Variants in ZNF334 observed in about 807,000 individuals in gnomAD.
The protein encoded by ZNF334 is zinc finger protein 334.
In ZNF334, 14 loss-of-function variants were observed where a neutral mutation model predicts 12.4. The ratio of observed to expected loss-of-function variants is 1.13; its 90% CI spans 0.74 to 1.76. The LOEUF is 1.76. Ranked by LOEUF, ZNF334 falls within the 40% of genes most tolerant of loss-of-function variation. The pLI, the probability that ZNF334 is intolerant of heterozygous loss-of-function variation, is 0.00. For missense variants in ZNF334, 797 were observed against 804.5 expected (o/e 0.99, Z 0.11); for synonymous variants, 273 against 269.6 (o/e 1.01, Z -0.12).
the ZNF334 span, among the ~76,000 whole-genome samples, chr20:46,469,549 T>A: frequency 6.6e-6 from 1 of 151,854 alleles, no homozygotes; most frequent in Non-Finnish European, 1.5e-5. Context: ...TTTTTTGTAT[T>A]TTTTAGTAGA....
chr20:46,481,890 C>T, the ZNF334 span, among the ~76,000 whole-genome samples: 1 of 152,164 alleles, frequency 6.6e-6, no homozygotes, highest in Non-Finnish European at 1.5e-5. Context: ...TCCCTGGAAG[C>T]TGTGAATGTG....
At chr20:46,503,185 G>T in intron 4 of ZNF334, 88 bp from the exon 5 acceptor site, 1 of 1,415,692 alleles carries the variant, frequency 7.1e-7, no homozygotes, top group Non-Finnish European at 9.3e-7. Context: ...CATTGTTTTA[G>T]GGGTTAGACT....
chr20:46,464,757 C>T, the ZNF334 span: 5 of 501,734 alleles, frequency 1.0e-5, no homozygotes, highest in Admixed American at 4.3e-5. Flanking sequence ...GGGCAGTGTA[C>T]GCTGCAGTAG....
At chr20:46,476,665 T>C in the ZNF334 span, among the ~76,000 whole-genome samples, 3 of 152,234 alleles carry the variant, frequency 2.0e-5, no homozygotes, top group Non-Finnish European at 2.9e-5. Flanking sequence ...CAGAACCATA[T>C]ACTTGTATTA....
chr20:46,487,400 C>A, the ZNF334 span, among the ~76,000 whole-genome samples: 2 of 152,194 alleles, frequency 1.3e-5, no homozygotes, highest in Non-Finnish European at 2.9e-5. Context: ...TACTATACAT[C>A]TATAGAAATC....
rs1375608297 is a variant in ZNF334 at position 46,504,619 on chromosome 20, G to A, written c.143C>T (p.Ser48Phe). The change falls in exon 3 of 5, where the codon TCT becomes TTT. Residue 48 changes from serine (S) to phenylalanine (F), a missense_variant. Coordinates refer to ENST00000692313, the MANE Select transcript of ZNF334 (RefSeq NM_001353824.2). The part of the protein sequence containing the change: ...VMLENYSNLV[S>F]VGYHVSKPDV... ...TACAGGGAAATAGTCCTTACCCACA[G>A]AGACCAAGTTGCTGTAGTTCTCCAG... 1 of 1,599,194 alleles carries A rather than the reference G, an allele frequency of 6.3e-7. No homozygotes were observed. The highest frequency in any genetic ancestry group is 1.1e-5 in the South Asian group (1 of 88,130).
chr20:46,508,728 C>A lies in ZNF334; in HGVS notation c.21+3354G>T, dbSNP rs76858137. The stretch of plus-strand genomic sequence containing the variant: ...GGAAGGAAGGATGGTAGAGACACTG[C>A]AACATGCAGGACCTTCTCCTACAGG... On this transcript the variant is annotated intron_variant, in intron 2 of 4. Coordinates refer to ENST00000692313, the MANE Select transcript of ZNF334 (RefSeq NM_001353824.2). 5.0e-3 allele frequency among the ~76,000 whole-genome samples: 768 copies of A among 152,304 alleles called. 13 individuals are homozygous for A. In the East Asian group the frequency reaches 0.082, roughly 16 times the overall value.
the ZNF334 span, among the ~76,000 whole-genome samples, chr20:46,475,010 T>A: frequency 6.6e-6 from 1 of 152,154 alleles, no homozygotes; most frequent in African/African-American, 2.4e-5. Flanking sequence ...TCCAGTATCA[T>A]CCAGTACTTA....
chr20:46,507,367 TAAG>T (rs1054264836), intron 2 of ZNF334, among the ~76,000 whole-genome samples: 1 of 152,110 alleles, frequency 6.6e-6, no homozygotes, highest in African/African-American at 2.4e-5. Flanking sequence ...TGCAAGAGGC[TAAG>T]GAGACAGGAC....
chr20:46,487,474 T>C, the ZNF334 span, among the ~76,000 whole-genome samples: 3 of 152,200 alleles, frequency 2.0e-5, no homozygotes, highest in Non-Finnish European at 2.9e-5. Flanking sequence ...ATAATATTCT[T>C]TTTTATTATA....
At position 46,502,195 on chromosome 20, in the gene ZNF334, A is replaced by G; in HGVS notation, c.1144T>C (p.Cys382Arg). The G allele has an allele frequency of 1.2e-6, 2 of 1,614,152 alleles. No homozygotes were observed. The highest frequency in any genetic ancestry group is 1.7e-6 in the Non-Finnish European group (2 of 1,180,014). ...RGEKPNECKE[C>R]GKTFFCQSAL... ...GACTGACAGAAGAAGGTTTTCCCAC[A>G]TTCCTTACATTCATTTGGCTTCTCT... Residue 382 changes from cysteine to arginine, a missense_variant, in exon 5 of 5, where the codon TGT becomes CGT. Physicochemically the swap from Cys to Arg is radical, Grantham distance 180. Transcript: ENST00000692313.
At chr20:46,483,044 A>G in the ZNF334 span, among the ~76,000 whole-genome samples, 2 of 152,180 alleles carry the variant, frequency 1.3e-5, no homozygotes, top group African/African-American at 2.4e-5. Flanking sequence ...TCATGCTTCA[A>G]AAGTACTATG....
At chr20:46,483,266 G>A in the ZNF334 span, among the ~76,000 whole-genome samples, 1 of 151,634 alleles carries the variant, frequency 6.6e-6, no homozygotes, top group Non-Finnish European at 1.5e-5. Context: ...ATATACTTTA[G>A]GCATTTGTCT....
rs746960799 is a variant in ZNF334 at position 46,501,305 on chromosome 20, G to A, written c.2034C>T (p.His678=). Residue 678 remains histidine, a synonymous_variant, in exon 5 of 5, where the codon CAC becomes CAT. Coordinates refer to ENST00000692313, the MANE Select transcript of ZNF334 (RefSeq NM_001353824.2). ...KSNFLLHQKS[H]KE ...ATTACTTTGTTGGAACTTATTCCTT[G>A]TGGGATTTCTGATGTAAAAGAAAGT... The A allele has an allele frequency of 1.1e-5, 17 of 1,609,938 alleles. No individual in the cohort carries two copies. In the South Asian group the frequency reaches 1.8e-4, roughly 17 times the overall value.
the ZNF334 span, among the ~76,000 whole-genome samples, chr20:46,482,849 CA>C: frequency 2.0e-5 from 3 of 152,166 alleles, no homozygotes; most frequent in Non-Finnish European, 2.9e-5. Flanking sequence ...ACGTGTTCTA[CA>C]GTGTGAATTG....
At chr20:46,471,942 C>T in the ZNF334 span, among the ~76,000 whole-genome samples, 1 of 152,178 alleles carries the variant, frequency 6.6e-6, no homozygotes, top group Non-Finnish European at 1.5e-5. Context: ...ATGTTAACAT[C>T]AATTTCCACA....
Position 46,502,489 on chromosome 20 carries a change from G to A in ZNF334, c.850C>T (p.Arg284Ter), listed in dbSNP as rs202077322. Reference protein sequence around the residue: ...FRVKTSLTRHRRIHTGERPYE... With the variant: ...FRVKTSLTRH ...GGTCTCTCTCCAGTATGAATTCTTC[G>A]GTGTCGAGTGAGGCTTGTCTTCACA... Residue 284 changes from arginine to a stop codon, truncating the protein, a stop_gained, in exon 5 of 5, where the codon CGA becomes TGA. Transcript: ENST00000692313. LOFTEE classifies it low-confidence loss of function (END_TRUNC). 6.1e-4 allele frequency: 982 copies of A among 1,613,466 alleles called. 1 individual carries two copies. Among genetic ancestry groups the A allele is most frequent in the Non-Finnish European group, 7.6e-4 (896 of 1,179,730 alleles).
chr20:46,462,526 A>C, the ZNF334 span, among the ~76,000 whole-genome samples: 1 of 152,224 alleles, frequency 6.6e-6, no homozygotes, highest in Admixed American at 6.5e-5. Context: ...CTCAACAACA[A>C]AACACCTCGA....
the ZNF334 span, among the ~76,000 whole-genome samples, chr20:46,486,888 T>A: frequency 6.6e-6 from 1 of 152,228 alleles, no homozygotes; most frequent in African/African-American, 2.4e-5. Context: ...AATAGTAAGA[T>A]GAAGCTCACA....
Sources: gnomAD v4.1 joint callset for allele counts (sites outside exome capture counted in the v4.1 genomes callset) on GRCh38, gnomAD v4.1.1 for gene constraint, MANE v1.5 for transcripts, NCBI Gene and HGNC (gene_info 2026-07-23, HGNC 2026-07-21) for gene names.